The following CNTNAP2 variants were observed in gnomAD, a reference collection of about 807,000 sequenced individuals.
CNTNAP2 encodes the protein contactin associated protein 2, also known as contactin-associated protein-like 2.
CNTNAP2 carries 98 observed loss-of-function variants against 155.2 expected under a neutral mutation model. That is an observed-to-expected ratio of 0.63 (90% CI 0.54 to 0.75). CNTNAP2 has a LOEUF of 0.75. Among genes scored for constraint, CNTNAP2 ranks in the 30% least tolerant of loss-of-function variants. The pLI is 0.00. For synonymous variants in CNTNAP2, 651 were observed against 631.2 expected (o/e 1.03, Z -0.47); for missense variants, 1,727 against 1,688.1 (o/e 1.02, Z -0.40).
intron 13 of CNTNAP2, among the ~76,000 whole-genome samples, chr7:147,887,936 A>C (rs139789437): frequency 4.5e-4 from 68 of 152,338 alleles, no homozygotes; most frequent in African/African-American, 1.6e-3. Context: ...GGTTGGAGAA[A>C]ACTCAAGCTG....
At chr7:146,947,880 T>C (rs1797223290) in intron 3 of CNTNAP2, among the ~76,000 whole-genome samples, 1 of 151,946 alleles carries the variant, frequency 6.6e-6, no homozygotes, top group Non-Finnish European at 1.5e-5. Context: ...CCCTGCAGCA[T>C]GAATGACAAA....
intron 9 of CNTNAP2, among the ~76,000 whole-genome samples, chr7:147,327,318 A>G (rs1795478877): frequency 6.6e-6 from 1 of 152,186 alleles, no homozygotes; most frequent in Non-Finnish European, 1.5e-5. Flanking sequence ...AAGAATCCTC[A>G]GCTCTTAAGA....
At chr7:147,178,245 GA>G (rs1563104638) in intron 8 of CNTNAP2, among the ~76,000 whole-genome samples, 1 of 152,182 alleles carries the variant, frequency 6.6e-6, no homozygotes, top group Non-Finnish European at 1.5e-5. Flanking sequence ...TCTGTGGTCA[GA>G]AAATGATAGG....
Position 146,839,940 on chromosome 7 carries a change from G to T in CNTNAP2, c.402+36G>T, listed in dbSNP as rs770163229. ...GGCAGGAAAGCAAAGACACAGAATT[G>T]GATTGGAAATATTAGAAAATGGTAC... On this transcript the variant is annotated intron_variant, in intron 3 of 23. Coordinates refer to ENST00000361727, the MANE Select transcript of CNTNAP2 (RefSeq NM_014141.6). 5 of 1,607,300 alleles carry T rather than the reference G, an allele frequency of 3.1e-6. No individual in the cohort carries two copies. The Admixed American group carries it at 8.4e-5, about 27-fold the overall frequency.
At chr7:148,152,371 T>C (rs958955730) in intron 17 of CNTNAP2, among the ~76,000 whole-genome samples, 1 of 152,024 alleles carries the variant, frequency 6.6e-6, no homozygotes, top group African/African-American at 2.4e-5. Context: ...GTGCTGAGTC[T>C]GCCTCAGGGT....
intron 15 of CNTNAP2, among the ~76,000 whole-genome samples, chr7:147,985,407 C>CTTTTTTT (rs34093586): frequency 1.9e-5 from 2 of 108,066 alleles, no homozygotes; most frequent in African/African-American, 3.6e-5. Context: ...TATGTTTTTA[C>CTTTTTTT]TTTTTTTTTT....
chr7:147,690,841 T>C (rs1796077290), intron 13 of CNTNAP2, among the ~76,000 whole-genome samples: 1 of 152,036 alleles, frequency 6.6e-6, no homozygotes, highest in African/African-American at 2.4e-5. Flanking sequence ...TTCTCCACTG[T>C]ACAGATGAAA....
intron 12 of CNTNAP2, among the ~76,000 whole-genome samples, chr7:147,623,740 T>TA (rs572447516): frequency 5.8e-4 from 84 of 144,688 alleles, no homozygotes; most frequent in East Asian, 3.6e-3. Flanking sequence ...TTCACAGAAA[T>TA]AAAAAAAAAA....
rs112698010 is a variant in CNTNAP2, at chr7:147,407,977, C to T, written c.1670+12197C>T. On this transcript the variant is annotated intron_variant, in intron 10 of 23. Transcript: ENST00000361727. ...CAAGAGATCATTTAAACTACAGCAA[C>T]ATGTTTGTATAGGAGAGTCATGGAA... 5.1e-4 allele frequency among the ~76,000 whole-genome samples: 77 copies of T among 152,308 alleles called. 1 individual carries two copies. Among genetic ancestry groups the T allele is most frequent in the African/African-American group, 1.7e-3 (70 of 41,560 alleles).
At chr7:146,955,456 C>T (rs1584746972) in intron 3 of CNTNAP2, among the ~76,000 whole-genome samples, 1 of 151,860 alleles carries the variant, frequency 6.6e-6, no homozygotes, top group Admixed American at 6.6e-5. Flanking sequence ...ACACTAGAAA[C>T]AAAAATCTTT....
In CNTNAP2 at chr7:147,775,328, T is replaced by A. The variant is rs1326461196; in HGVS notation, c.2099-128237T>A. On this transcript the variant is annotated intron_variant, in intron 13 of 23. Coordinates refer to ENST00000361727, the MANE Select transcript of CNTNAP2 (RefSeq NM_014141.6). ...ATTTATAAATATATATATATTTATA[T>A]ATATTTATAAATATATATATTTATA... 9.4e-5 allele frequency among the ~76,000 whole-genome samples: 5 copies of A among 53,298 alleles called. 1 individual carries two copies. The highest frequency in any genetic ancestry group is 3.9e-4 in the African/African-American group (3 of 7,634). The allele number at this position is 53,298 out of a possible 152,430, so 35.0% of individuals were successfully genotyped here. A position where few individuals can be genotyped will look rare whatever the true frequency, so the allele number is the denominator to read the frequency against.
chr7:148,025,928 T>C (rs1440170888), intron 15 of CNTNAP2, among the ~76,000 whole-genome samples: 1 of 152,226 alleles, frequency 6.6e-6, no homozygotes, highest in Non-Finnish European at 1.5e-5. Flanking sequence ...CCGATTCTAA[T>C]GTGTTTAGGC....
intron 21 of CNTNAP2, among the ~76,000 whole-genome samples, chr7:148,379,532 C>T (rs570599928): frequency 3.3e-5 from 5 of 151,790 alleles, no homozygotes; most frequent in Non-Finnish European, 4.4e-5. Context: ...AACAAAACCC[C>T]GCCTCTACAA....
chr7:146,142,777 C>T (rs564964380), intron 1 of CNTNAP2, among the ~76,000 whole-genome samples: 10 of 152,124 alleles, frequency 6.6e-5, no homozygotes, highest in Non-Finnish European at 1.2e-4. Flanking sequence ...CTATGACTGC[C>T]AAATTTTGAT....
At chr7:146,857,214 AGG>A (rs1795008037) in intron 3 of CNTNAP2, among the ~76,000 whole-genome samples, 1 of 151,372 alleles carries the variant, frequency 6.6e-6, no homozygotes, top group Admixed American at 6.6e-5. Flanking sequence ...AGAGAAGGAG[AGG>A]GAGAGAGAGA....
At chr7:147,551,870 A>G (rs1288513785) in intron 11 of CNTNAP2, among the ~76,000 whole-genome samples, 8 of 152,224 alleles carry the variant, frequency 5.3e-5, no homozygotes, top group Non-Finnish European at 1.2e-4. Flanking sequence ...TCATTACTAC[A>G]TCAATACTTA....
At chr7:146,882,329 T>C (rs143705476) in intron 3 of CNTNAP2, among the ~76,000 whole-genome samples, 3,219 of 152,186 alleles carry the variant, frequency 0.021, 59 homozygotes, top group South Asian at 0.042. Context: ...ATATACCCAG[T>C]GATAAGGTTT....
At chr7:146,587,420 A>G (rs746857973) in intron 1 of CNTNAP2, among the ~76,000 whole-genome samples, 1 of 152,164 alleles carries the variant, frequency 6.6e-6, no homozygotes, top group Non-Finnish European at 1.5e-5. Flanking sequence ...TAAGAAGGAC[A>G]TAAGTCTAAT....
At chr7:146,292,663 G>A (rs1800450408) in intron 1 of CNTNAP2, among the ~76,000 whole-genome samples, 2 of 152,200 alleles carry the variant, frequency 1.3e-5, no homozygotes, top group South Asian at 2.1e-4. Flanking sequence ...TTGGAGAGAT[G>A]TCTGCACTCC....
Sources: gnomAD v4.1 joint callset for allele counts (sites outside exome capture counted in the v4.1 genomes callset) on GRCh38, gnomAD v4.1.1 for gene constraint, MANE v1.5 for transcripts, NCBI Gene and HGNC (gene_info 2026-07-23, HGNC 2026-07-21) for gene names.